PDHA2: variants seen among roughly 807,000 people sequenced by gnomAD.
PDHA2 encodes pyruvate dehydrogenase E1 component subunit alpha, testis-specific form, mitochondrial.
For missense variants in PDHA2, 533 were observed against 495.8 expected, an observed-to-expected ratio of 1.07 and a Z score of -0.71; for synonymous variants, 188 against 185.9, an observed-to-expected ratio of 1.01 and a Z score of -0.09.
Position 95,840,769 on chromosome 4 carries a change from A to T in PDHA2, c.619A>T (p.Asn207Tyr). 1.2e-6 allele frequency: 2 copies of T among 1,614,186 alleles called. No individual in the cohort carries two copies. The highest frequency in any genetic ancestry group is 2.2e-5 in the South Asian group (2 of 91,088). Reference protein sequence around the residue: ...ANQGQIAEAFNMAALWKLPCV... With the variant: ...ANQGQIAEAFYMAALWKLPCV... ...TCAGGGGCAGATAGCCGAAGCTTTC[A>T]ATATGGCAGCTTTATGGAAATTACC... Residue 207 changes from asparagine (N) to tyrosine (Y), a missense_variant, in exon 1 of 1, where the codon AAT (asparagine) becomes TAT (tyrosine). Coordinates refer to ENST00000295266, the MANE Select transcript of PDHA2 (RefSeq NM_005390.5).
chr4:95,840,871 T>C lies in PDHA2; in HGVS notation c.721T>C (p.Tyr241His). The C allele has an allele frequency of 4.3e-6, 7 of 1,614,062 alleles. No individual in the cohort carries two copies. The highest frequency in any genetic ancestry group is 1.7e-5 in the Admixed American group (1 of 60,004). ...TERAAASPDY[Y>H]KRGNFIPGLK... ...GAGAGCAGCAGCCAGCCCTGATTAC[T>C]ACAAGAGGGGCAATTTTATCCCTGG... is the stretch of plus-strand genomic sequence containing the variant. The change falls in exon 1 of 1, where the codon TAC (tyrosine) becomes CAC (histidine). Residue 241 changes from tyrosine to histidine, a missense_variant. By Grantham distance (83) the Tyr-to-His change is moderately conservative (BLOSUM62 2). Transcript: ENST00000295266.
At position 95,841,308 on chromosome 4, in the gene PDHA2, C is replaced by T. The variant is rs146428499; in HGVS notation, c.1158C>T (p.Ser386=). The stretch of plus-strand genomic sequence containing the variant: ...CAAATCCATGGATCAAGTTTAAGTC[C>T]GTCAGTTAAAGGGAGGCTACGTGTG... ...RGANPWIKFK[S]VS Residue 386 remains serine, a synonymous_variant, in exon 1 of 1, where the codon TCC becomes TCT. Transcript: ENST00000295266. 316 of 1,612,838 alleles carry T rather than the reference C, an allele frequency of 2.0e-4. No individual in the cohort carries two copies. The highest frequency in any genetic ancestry group is 1.1e-3 in the South Asian group (102 of 91,058).
chr4:95,840,428 A>T lies in PDHA2; in HGVS notation c.278A>T (p.Asp93Val), dbSNP rs1472929569. The T allele has an allele frequency of 6.8e-6, 11 of 1,614,190 alleles. No homozygotes were observed. The highest frequency in any genetic ancestry group is 1.7e-5 in the Admixed American group (1 of 60,024). The change falls in exon 1 of 1, where the codon GAT becomes GTT. Residue 93 changes from aspartate (D) to valine (V), a missense_variant. Coordinates refer to ENST00000295266, the MANE Select transcript of PDHA2 (RefSeq NM_005390.5). ...KFIRGFCHLCDGQEACCVGLE... is the reference protein window; with the variant it reads ...KFIRGFCHLCVGQEACCVGLE... ...ATTCGCGGTTTCTGTCACCTGTGCG[A>T]TGGTCAGGAAGCTTGTTGCGTGGGC... is the stretch of plus-strand genomic sequence containing the variant.
chr4:95,840,636 T>C lies in PDHA2; in HGVS notation c.486T>C (p.Asn162=). 6.2e-7 allele frequency: 1 copy of C among 1,614,160 alleles called. No homozygotes were observed. Among genetic ancestry groups the C allele is most frequent in the Non-Finnish European group, 8.5e-7 (1 of 1,180,022 alleles). ...HMYTKNFYGG[N]GIVGAQGPLG... ...ATACCAAGAACTTCTATGGGGGCAA[T>C]GGCATCGTCGGTGCACAGGGCCCCC... Residue 162 remains asparagine, a synonymous_variant, in exon 1 of 1, where the codon AAT becomes AAC. Transcript: ENST00000295266.
rs766072727 is a variant in PDHA2, at chr4:95,841,327, A to G, written c.*10A>G. On this transcript the variant is annotated 3_prime_UTR_variant, in exon 1 of 1. Coordinates refer to ENST00000295266, the MANE Select transcript of PDHA2 (RefSeq NM_005390.5). ...TAAGTCCGTCAGTTAAAGGGAGGCT[A>G]CGTGTGAATTTATCATCAGTCTCTC... 2.1e-5 allele frequency: 34 copies of G among 1,604,340 alleles called. No homozygotes were observed. Among genetic ancestry groups the G allele is most frequent in the Non-Finnish European group, 2.4e-5 (28 of 1,171,506 alleles).
In PDHA2 at chr4:95,841,174, A is replaced by AAAGAAATTG; in HGVS notation, c.1026_1034dup (p.Ile344_Asp345insGluGluIle). 1 of 1,614,202 alleles carries AAAGAAATTG rather than the reference A, an allele frequency of 6.2e-7. No individual in the cohort carries two copies. The highest frequency in any genetic ancestry group is 8.5e-7 in the Non-Finnish European group (1 of 1,180,042). On this transcript the variant is annotated inframe_insertion, in exon 1 of 1. Coordinates refer to ENST00000295266, the MANE Select transcript of PDHA2 (RefSeq NM_005390.5). ...AAAGGAAATTGGGGCTGAGGTGAGG[A>AAAGAAATTG]AAGAAATTGATGATGCTGCCCAGTT...
In PDHA2 at chr4:95,840,715, T is replaced by A. The variant is rs748902138; in HGVS notation, c.565T>A (p.Leu189Met). ...ATATAAAGGAAACGATGAGATCTGT[T>A]TGACTTTATATGGGGATGGCGCTGC... ...CKYKGNDEICLTLYGDGAANQ... is the reference protein window; with the variant it reads ...CKYKGNDEICMTLYGDGAANQ... Residue 189 changes from leucine (L) to methionine (M), a missense_variant, in exon 1 of 1, where the codon TTG becomes ATG. By Grantham distance (15) the Leu-to-Met change is conservative (BLOSUM62 2). Coordinates refer to ENST00000295266, the MANE Select transcript of PDHA2 (RefSeq NM_005390.5). 5.6e-6 allele frequency: 9 copies of A among 1,614,210 alleles called. No homozygotes were observed. The South Asian group carries it at 9.9e-5, about 18-fold the overall frequency.
At position 95,841,082 on chromosome 4, in the gene PDHA2, A is replaced by G. The variant is rs1436105724; in HGVS notation, c.932A>G (p.Lys311Arg). The change falls in exon 1 of 1, where the codon AAG becomes AGG. Residue 311 changes from lysine to arginine, a missense_variant. By Grantham distance (26) the Lys-to-Arg change is conservative. Coordinates refer to ENST00000295266, the MANE Select transcript of PDHA2 (RefSeq NM_005390.5). ...TREEIQEVRSKRDPIIILQDR... is the reference protein window; with the variant it reads ...TREEIQEVRSRRDPIIILQDR... The stretch of plus-strand genomic sequence containing the variant: ...GAAGAAATTCAGGAAGTAAGAAGTA[A>G]GAGGGATCCTATAATAATTCTCCAA... The G allele has an allele frequency of 6.2e-7, 1 of 1,614,042 alleles. No homozygotes were observed. The highest frequency in any genetic ancestry group is 1.3e-5 in the African/African-American group (1 of 74,932).
At position 95,840,643 on chromosome 4, in the gene PDHA2, G is replaced by T. The variant is rs754242583; in HGVS notation, c.493G>T (p.Val165Phe). 7.4e-6 allele frequency: 12 copies of T among 1,614,084 alleles called. No individual in the cohort carries two copies. The highest frequency in any genetic ancestry group is 1.1e-5 in the South Asian group (1 of 91,090). Residue 165 changes from valine to phenylalanine, a missense_variant, in exon 1 of 1, where the codon GTC becomes TTC. Transcript: ENST00000295266. ...GAACTTCTATGGGGGCAATGGCATC[G>T]TCGGTGCACAGGGCCCCCTGGGCGC... ...TKNFYGGNGI[V>F]GAQGPLGAGI...
rs983867553 is a variant in PDHA2, at chr4:95,840,945, A to AAG, written c.795_796insAG (p.Phe266SerfsTer15). 3.1e-6 allele frequency: 5 copies of AAG among 1,614,064 alleles called. No individual in the cohort carries two copies. Among genetic ancestry groups the AAG allele is most frequent in the African/African-American group, 2.7e-5 (2 of 75,014 alleles). On this transcript the variant is annotated frameshift_variant, in exon 1 of 1. Coordinates refer to ENST00000295266, the MANE Select transcript of PDHA2 (RefSeq NM_005390.5). LOFTEE classifies it low-confidence loss of function (END_TRUNC). ...TTCTGTGTGTTCGTGAGGCAACAAAATTTGCAGCTAACTACTGTAGATCTG... is the reference window on the plus strand; with the variant it reads ...TTCTGTGTGTTCGTGAGGCAACAAAAAGTTTGCAGCTAACTACTGTAGATCTG...
In PDHA2 at chr4:95,840,904, G is replaced by A; in HGVS notation, c.754G>A (p.Val252Ile). The A allele has an allele frequency of 6.2e-7, 1 of 1,614,122 alleles. No individual in the cohort carries two copies. Among genetic ancestry groups the A allele is most frequent in the Non-Finnish European group, 8.5e-7 (1 of 1,180,018 alleles). The change falls in exon 1 of 1, where the codon GTC becomes ATC. Residue 252 changes from valine to isoleucine, a missense_variant. Transcript: ENST00000295266. ...GGGCAATTTTATCCCTGGGCTAAAG[G>A]TCGATGGAATGGATGTTCTGTGTGT... ...KRGNFIPGLK[V>I]DGMDVLCVRE...
Position 95,840,612 on chromosome 4 carries a change from T to G in PDHA2, c.462T>G (p.Tyr154Ter), listed in dbSNP as rs373484320. 1.2e-6 allele frequency: 2 copies of G among 1,614,150 alleles called. No individual in the cohort carries two copies. The highest frequency in any genetic ancestry group is 2.7e-5 in the African/African-American group (2 of 75,038). The part of the protein sequence containing the change: ...AKGKGGSMHM[Y>*]TKNFYGGNGI... ...GAAAAGGAGGATCGATGCATATGTA[T>G]ACCAAGAACTTCTATGGGGGCAATG... Residue 154 changes from tyrosine to a stop codon, truncating the protein, a stop_gained, in exon 1 of 1, where the codon TAT (tyrosine) becomes TAG (stop). Coordinates refer to ENST00000295266, the MANE Select transcript of PDHA2 (RefSeq NM_005390.5). LOFTEE classifies it low-confidence loss of function (END_TRUNC).
In PDHA2 at chr4:95,840,567, A is replaced by G; in HGVS notation, c.417A>G (p.Arg139=). The change falls in exon 1 of 1, where the codon AGA becomes AGG. Residue 139 remains arginine (R), a synonymous_variant. Coordinates refer to ENST00000295266, the MANE Select transcript of PDHA2 (RefSeq NM_005390.5). ...VRSILAELTG[R]RGGCAKGKGG... is the part of the protein sequence containing the mutation. Reference sequence around the variant, plus strand: ...CCATTCTCGCAGAGCTGACGGGAAGAAGAGGAGGTTGTGCTAAAGGAAAAG... The same window carrying G: ...CCATTCTCGCAGAGCTGACGGGAAGGAGAGGAGGTTGTGCTAAAGGAAAAG... 6.2e-7 allele frequency: 1 copy of G among 1,614,162 alleles called. No individual in the cohort carries two copies. The highest frequency in any genetic ancestry group is 8.5e-7 in the Non-Finnish European group (1 of 1,180,032).
At position 95,840,823 on chromosome 4, in the gene PDHA2, T is replaced by C; in HGVS notation, c.673T>C (p.Tyr225His). The part of the protein sequence containing the change: ...PCVFICENNL[Y>H]GMGTSTERAA... ...TGTTTTCATCTGTGAGAATAACCTA[T>C]ATGGAATGGGAACATCTACTGAGAG... Residue 225 changes from tyrosine to histidine, a missense_variant, in exon 1 of 1, where the codon TAT becomes CAT. Coordinates refer to ENST00000295266, the MANE Select transcript of PDHA2 (RefSeq NM_005390.5). 2 of 1,614,150 alleles carry C rather than the reference T, an allele frequency of 1.2e-6. No homozygotes were observed. Among genetic ancestry groups the C allele is most frequent in the Non-Finnish European group, 1.7e-6 (2 of 1,180,028 alleles).
At position 95,841,331 on chromosome 4, in the gene PDHA2, G is replaced by A; in HGVS notation, c.*14G>A. ...TCCGTCAGTTAAAGGGAGGCTACGT[G>A]TGAATTTATCATCAGTCTCTCAATG... On this transcript the variant is annotated 3_prime_UTR_variant, in exon 1 of 1. Transcript: ENST00000295266. The A allele has an allele frequency of 6.3e-7, 1 of 1,598,892 alleles. No individual in the cohort carries two copies. Among genetic ancestry groups the A allele is most frequent in the Non-Finnish European group, 8.6e-7 (1 of 1,166,392 alleles).
chr4:95,840,931 C>G lies in PDHA2; in HGVS notation c.781C>G (p.Arg261Gly). ...CGATGGAATGGATGTTCTGTGTGTT[C>G]GTGAGGCAACAAAATTTGCAGCTAA... Reference protein sequence around the residue: ...KVDGMDVLCVREATKFAANYC... With the variant: ...KVDGMDVLCVGEATKFAANYC... Residue 261 changes from arginine to glycine, a missense_variant, in exon 1 of 1, where the codon CGT (arginine) becomes GGT (glycine). Coordinates refer to ENST00000295266, the MANE Select transcript of PDHA2 (RefSeq NM_005390.5). The G allele has an allele frequency of 6.2e-7, 1 of 1,614,050 alleles. No homozygotes were observed. The highest frequency in any genetic ancestry group is 8.5e-7 in the Non-Finnish European group (1 of 1,180,006).
Position 95,840,810 on chromosome 4 carries a change from T to C in PDHA2, c.660T>C (p.Cys220=), listed in dbSNP as rs2110117366. The change falls in exon 1 of 1, where the codon TGT becomes TGC. Residue 220 remains cysteine (C), a synonymous_variant. Transcript: ENST00000295266. ...GGAAATTACCTTGTGTTTTCATCTGTGAGAATAACCTATATGGAATGGGAA... is the reference window on the plus strand; with the variant it reads ...GGAAATTACCTTGTGTTTTCATCTGCGAGAATAACCTATATGGAATGGGAA... ...ALWKLPCVFI[C]ENNLYGMGTS... is the part of the protein sequence containing the mutation. The C allele has an allele frequency of 6.2e-7, 1 of 1,614,118 alleles. No individual in the cohort carries two copies. Among genetic ancestry groups the C allele is most frequent in the East Asian group, 2.2e-5 (1 of 44,868 alleles).
rs866169818 is a variant in PDHA2 at position 95,841,245 on chromosome 4, C to A, written c.1095C>A (p.His365Gln). Residue 365 changes from histidine (H) to glutamine (Q), a missense_variant, in exon 1 of 1, where the codon CAC becomes CAA. His to Gln is a conservative substitution (Grantham distance 24). Coordinates refer to ENST00000295266, the MANE Select transcript of PDHA2 (RefSeq NM_005390.5). ...PEPHLEELGH[H>Q]IYSSDSSFEV... is the part of the protein sequence containing the mutation. ...CACATTTGGAAGAATTAGGCCATCA[C>A]ATCTACAGCAGTGATTCATCTTTTG... 1 of 1,614,142 alleles carries A rather than the reference C, an allele frequency of 6.2e-7. No homozygotes were observed. Among genetic ancestry groups the A allele is most frequent in the Non-Finnish European group, 8.5e-7 (1 of 1,179,996 alleles).
rs1439077953 is a variant in PDHA2 at position 95,841,398 on chromosome 4, A to G, written c.*81A>G. ...ATTTAAGAAACTGTGTTCTCAACTCAAGGAGGAATAAAACTCATAAAACAA... is the reference window on the plus strand; with the variant it reads ...ATTTAAGAAACTGTGTTCTCAACTCGAGGAGGAATAAAACTCATAAAACAA... On this transcript the variant is annotated 3_prime_UTR_variant, in exon 1 of 1. Transcript: ENST00000295266. The G allele has an allele frequency of 1.8e-6, 2 of 1,081,154 alleles. No individual in the cohort carries two copies. Among genetic ancestry groups the G allele is most frequent in the African/African-American group, 1.6e-5 (1 of 63,288 alleles). The allele number at this position is 1,081,154 out of a possible 1,614,324, so 67.0% of individuals were successfully genotyped here.
Sources: gnomAD v4.1 joint callset for allele counts on GRCh38, gnomAD v4.1.1 for gene constraint, MANE v1.5 for transcripts, NCBI Gene and HGNC (gene_info 2026-07-23, HGNC 2026-07-21) for gene names.